Variants in NFATC1 observed in about 807,000 individuals in gnomAD.
The protein encoded by NFATC1 is nuclear factor of activated T-cells, cytoplasmic 1.
In NFATC1, 22 loss-of-function variants were observed where a neutral mutation model predicts 76.0. That is an observed-to-expected ratio of 0.29 (90% CI 0.21 to 0.41). The LOEUF is 0.41. Ranked by LOEUF, NFATC1 falls within the 10% of genes least tolerant of loss-of-function variation. NFATC1 has a pLI of 1.00. For missense variants in NFATC1, 1,357 were observed against 1,337.7 expected (o/e 1.01, Z -0.23); for synonymous variants, 704 against 613.1 (o/e 1.15, Z -2.19).
chr18:79,447,357 C>T (rs948327748), intron 3 of NFATC1, among the ~76,000 whole-genome samples: 8 of 152,256 alleles, frequency 5.3e-5, no homozygotes, highest in Non-Finnish European at 1.0e-4. Context: ...GGGCAGGCGT[C>T]GCATTTTCCT....
intron 2 of NFATC1, among the ~76,000 whole-genome samples, chr18:79,424,102 G>A (rs2086194881): frequency 1.3e-5 from 2 of 152,348 alleles, no homozygotes; most frequent in Non-Finnish European, 2.9e-5. Context: ...CGTGGTCTGT[G>A]GGGTCATCCC....
rs116608269 is a variant in NFATC1, at chr18:79,437,978, G to A, written c.1386+4240G>A. Among the ~76,000 whole-genome samples the A allele has an allele frequency of 4.4e-3, 667 of 152,348 alleles. 2 individuals carry two copies. The highest frequency in any genetic ancestry group is 0.015 in the African/African-American group (609 of 41,582). ...GGCCAGGGAGGGTGGAGAAGCACCC[G>A]GGCACAGCCATTGAGGCCTTTTCGT... On this transcript the variant is annotated intron_variant, in intron 3 of 9. Transcript: ENST00000427363.
intron 1 of NFATC1, among the ~76,000 whole-genome samples, chr18:79,403,678 G>A (rs62096874): frequency 0.1 from 15,260 of 152,348 alleles, 852 homozygotes; most frequent in African/African-American, 0.13. Flanking sequence ...CTGTGTGCCC[G>A]GGTCTGCCAC....
At chr18:79,484,629 C>T (rs2089442270) in intron 8 of NFATC1, among the ~76,000 whole-genome samples, 1 of 152,194 alleles carries the variant, frequency 6.6e-6, no homozygotes, top group Non-Finnish European at 1.5e-5. Context: ...AAAGTAGAGA[C>T]TTGAAAAGTC....
chr18:79,457,066 G>A lies in NFATC1; in HGVS notation c.1904-4245G>A, dbSNP rs116179797. On this transcript the variant is annotated intron_variant, in intron 6 of 9. Transcript: ENST00000427363. ...CAGGGAGAAGGTGACATTGCTGGGC[G>A]CCTGTGAGTGTGGACAGACATCACT... is the stretch of plus-strand genomic sequence containing the variant. Among the ~76,000 whole-genome samples the A allele has an allele frequency of 6.8e-3, 1,043 of 152,358 alleles. 10 individuals carry two copies. Among genetic ancestry groups the A allele is most frequent in the African/African-American group, 0.023 (946 of 41,584 alleles).
At chr18:79,475,758 A>G (rs368099265) in intron 8 of NFATC1, among the ~76,000 whole-genome samples, 1 of 152,234 alleles carries the variant, frequency 6.6e-6, no homozygotes, top group South Asian at 2.1e-4. Context: ...TCCAATTGAA[A>G]GGGAGGTCCG....
At chr18:79,427,699 C>T (rs2086421769) in intron 2 of NFATC1, among the ~76,000 whole-genome samples, 2 of 57,138 alleles carry the variant, frequency 3.5e-5, no homozygotes, top group East Asian at 6.7e-4. Flanking sequence ...GGCCTCTGTG[C>T]AGTGGGTGGG....
intron 2 of NFATC1, among the ~76,000 whole-genome samples, chr18:79,415,259 C>T (rs947851404): frequency 6.6e-6 from 1 of 152,118 alleles, no homozygotes; most frequent in African/African-American, 2.4e-5. Flanking sequence ...CAGCACAATT[C>T]TTGAATTCAA....
At chr18:79,456,824 C>T (rs547876587) in intron 6 of NFATC1, among the ~76,000 whole-genome samples, 1 of 152,302 alleles carries the variant, frequency 6.6e-6, no homozygotes, top group African/African-American at 2.4e-5. Context: ...CGTGGTGTGC[C>T]CTCTGACGGG....
chr18:79,429,778 A>G (rs1031225359), intron 2 of NFATC1, among the ~76,000 whole-genome samples: 2 of 152,228 alleles, frequency 1.3e-5, no homozygotes, highest in Non-Finnish European at 2.9e-5. Context: ...TTTGTAAACC[A>G]TTCTTGCTGT....
At chr18:79,413,758 G>T (rs563063183) in intron 2 of NFATC1, among the ~76,000 whole-genome samples, 6 of 152,218 alleles carry the variant, frequency 3.9e-5, no homozygotes, top group African/African-American at 7.2e-5. Flanking sequence ...TGTCCGCAGG[G>T]ATGTCGTGTT....
chr18:79,528,312 A>T lies in NFATC1; in HGVS notation c.*735A>T, dbSNP rs560597646. On this transcript the variant is annotated 3_prime_UTR_variant, in exon 10 of 10. Coordinates refer to ENST00000427363, the MANE Select transcript of NFATC1 (RefSeq NM_001278669.2). ...CACAAGTAACTTGAATAGCACATCA[A>T]TAGGTTACTGGACAAAAGCAGAAAA... 5.1e-5 allele frequency: 9 copies of T among 175,048 alleles called. No homozygotes were observed. The highest frequency in any genetic ancestry group is 1.3e-4 in the Admixed American group (2 of 15,890). 10.8% of individuals were successfully genotyped at this position (175,048 alleles called of 1,614,324 possible).
chr18:79,474,599 C>T (rs2088960495), intron 8 of NFATC1, among the ~76,000 whole-genome samples: 1 of 147,676 alleles, frequency 6.8e-6, no homozygotes, highest in African/African-American at 2.6e-5. Flanking sequence ...AGCGTGTTCT[C>T]ACGCTCACTG....
At chr18:79,414,239 C>T (rs1028093807) in intron 2 of NFATC1, among the ~76,000 whole-genome samples, 2 of 152,170 alleles carry the variant, frequency 1.3e-5, no homozygotes, top group Non-Finnish European at 2.9e-5. Context: ...TGGAAAATGT[C>T]ACCAGGATCT....
chr18:79,478,693 C>T (rs11664855), intron 8 of NFATC1, among the ~76,000 whole-genome samples: 2 of 152,208 alleles, frequency 1.3e-5, no homozygotes, highest in African/African-American at 4.8e-5. Context: ...AGCTCACTGC[C>T]TGCGTCTGTG....
rs753524361 is a variant in NFATC1, at chr18:79,403,652, G to A, written c.128-6751G>A. 7.9e-5 allele frequency among the ~76,000 whole-genome samples: 12 copies of A among 152,270 alleles called. No individual in the cohort carries two copies. In the South Asian group the frequency reaches 8.3e-4, roughly 10 times the overall value. ...GGCTGGAGCCTCTCTGGCAGTCGGG[G>A]CCACCCTCCGAACCTCTGTGTGCCC... On this transcript the variant is annotated intron_variant, in intron 1 of 9. Transcript: ENST00000427363.
At chr18:79,522,666 A>G (rs2145232442) in intron 9 of NFATC1, among the ~76,000 whole-genome samples, 1 of 152,216 alleles carries the variant, frequency 6.6e-6, no homozygotes, top group East Asian at 1.9e-4. Flanking sequence ...AGTTCCGGGC[A>G]CTGAGCACCC....
intron 3 of NFATC1, 100 bp downstream of exon 3, chr18:79,433,838 C>A (rs2086681906): frequency 1.4e-6 from 2 of 1,424,488 alleles, no homozygotes; most frequent in Non-Finnish European, 1.9e-6. Context: ...CCCAGCCAGG[C>A]CAGCTGAATG....
intron 9 of NFATC1, among the ~76,000 whole-genome samples, chr18:79,489,040 G>A (rs374203): frequency 0.53 from 80,530 of 152,156 alleles, 22,736 homozygotes; most frequent in Middle Eastern, 0.67. Flanking sequence ...TGACCCGCAC[G>A]GTGCTCAGGT....
Sources: gnomAD v4.1 joint callset for allele counts (sites outside exome capture counted in the v4.1 genomes callset) on GRCh38, gnomAD v4.1.1 for gene constraint, MANE v1.5 for transcripts, NCBI Gene and HGNC (gene_info 2026-07-23, HGNC 2026-07-21) for gene names.